KCNQ5: variants seen among roughly 807,000 people sequenced by gnomAD.
KCNQ5 encodes the protein potassium voltage-gated channel subfamily Q member 5.
A neutral mutation model predicts 98.2 loss-of-function variants in KCNQ5; 30 were observed. The ratio of observed to expected loss-of-function variants is 0.31; its 90% CI spans 0.23 to 0.41. KCNQ5 has a LOEUF of 0.41. Among genes scored for constraint, KCNQ5 ranks in the 10% least tolerant of loss-of-function variants. KCNQ5 has a pLI of 1.00. For synonymous variants in KCNQ5, 458 were observed against 449.4 expected (o/e 1.02, Z -0.24); for missense variants, 835 against 1,182.5 (o/e 0.71, Z 4.31).
chr6:72,681,613 C>A (rs1337008818), intron 1 of KCNQ5, among the ~76,000 whole-genome samples: 1 of 152,072 alleles, frequency 6.6e-6, no homozygotes, highest in Admixed American at 6.6e-5. Context: ...CTTATGTGGC[C>A]CAAAAGATGC....
intron 2 of KCNQ5, among the ~76,000 whole-genome samples, chr6:73,031,808 G>T (rs543150644): frequency 2.0e-5 from 3 of 152,326 alleles, no homozygotes; most frequent in Admixed American, 2.0e-4. Context: ...TTGCAGAGAA[G>T]TTAGCTATAT....
chr6:72,827,982 G>C lies in KCNQ5; in HGVS notation c.399-175926G>C, dbSNP rs1239204238. On this transcript the variant is annotated intron_variant, in intron 1 of 13. Transcript: ENST00000370398. The stretch of plus-strand genomic sequence containing the variant: ...TTTTCCCAGCAGCATTTATTGACAA[G>C]ACTGTCCTTTCTCAAATGAGTGTTC... Among the ~76,000 whole-genome samples, 5 of 152,076 alleles carry C rather than the reference G, an allele frequency of 3.3e-5. No individual in the cohort carries two copies. In the East Asian group the frequency reaches 9.6e-4, roughly 29 times the overall value.
At chr6:73,133,696 AT>A in intron 10 of KCNQ5, 55 bp downstream of exon 10, 1 of 1,427,602 alleles carries the variant, frequency 7.0e-7, no homozygotes, top group Non-Finnish European at 9.8e-7. Flanking sequence ...AGTGAGTGAG[AT>A]TATGAAGTAA....
intron 1 of KCNQ5, among the ~76,000 whole-genome samples, chr6:72,893,047 A>T (rs1275014902): frequency 6.6e-6 from 1 of 152,140 alleles, no homozygotes; most frequent in Non-Finnish European, 1.5e-5. Flanking sequence ...ATTGTGTAAA[A>T]TTTTTCCATG....
At position 73,146,540 on chromosome 6, in the gene KCNQ5, T is replaced by C. The variant is rs146510659; in HGVS notation, c.1468+12899T>C. On this transcript the variant is annotated intron_variant, in intron 10 of 13. Coordinates refer to ENST00000370398, the MANE Select transcript of KCNQ5 (RefSeq NM_019842.4). The stretch of plus-strand genomic sequence containing the variant: ...CTTGGGAGGCTGAGAAATGGGAGGA[T>C]CTTTTGAGCCCAGGAGGTTGAGGCT... Among the ~76,000 whole-genome samples, 216 of 147,592 alleles carry C rather than the reference T, an allele frequency of 1.5e-3. 1 individual carries two copies. Among genetic ancestry groups the C allele is most frequent in the Middle Eastern group, 3.5e-3 (1 of 282 alleles).
intron 1 of KCNQ5, among the ~76,000 whole-genome samples, chr6:72,739,650 C>T (rs1418695878): frequency 6.6e-6 from 1 of 152,106 alleles, no homozygotes; most frequent in Non-Finnish European, 1.5e-5. Context: ...ATCACAGTCA[C>T]CTAAATAATC....
At chr6:72,670,274 C>T (rs6935174) in intron 1 of KCNQ5, among the ~76,000 whole-genome samples, 20,540 of 152,146 alleles carry the variant, frequency 0.14, 1,471 homozygotes, top group South Asian at 0.2. Flanking sequence ...TGTATGTATT[C>T]ACTAAGAAGA....
intron 1 of KCNQ5, among the ~76,000 whole-genome samples, chr6:72,695,679 AATAT>A (rs200051672): frequency 2.0e-5 from 3 of 152,116 alleles, no homozygotes; most frequent in African/African-American, 7.2e-5. Flanking sequence ...ATTTTATATA[AATAT>A]ATATGTGCAA....
intron 3 of KCNQ5, among the ~76,000 whole-genome samples, chr6:73,075,842 G>A (rs1056406646): frequency 5.9e-5 from 9 of 152,156 alleles, no homozygotes; most frequent in Admixed American, 3.3e-4. Context: ...TCAGGAGTTC[G>A]AGACCAGCCT....
At chr6:72,959,812 A>G (rs573060540) in intron 1 of KCNQ5, among the ~76,000 whole-genome samples, 1 of 152,344 alleles carries the variant, frequency 6.6e-6, no homozygotes, top group East Asian at 1.9e-4. Context: ...GAGATTCACG[A>G]CACAATTCAA....
At chr6:73,119,567 C>T (rs912594567) in intron 7 of KCNQ5, among the ~76,000 whole-genome samples, 3 of 152,148 alleles carry the variant, frequency 2.0e-5, no homozygotes, top group Admixed American at 6.5e-5. Context: ...AGTACATTTT[C>T]CCCATCCTGT....
At chr6:73,185,099 G>T (rs540071882) in intron 11 of KCNQ5, among the ~76,000 whole-genome samples, 23 of 152,330 alleles carry the variant, frequency 1.5e-4, no homozygotes, top group Admixed American at 1.4e-3. Flanking sequence ...AATAATTACA[G>T]TGTGGTGTGT....
rs926389597 is a variant in KCNQ5, at chr6:72,925,776, G to A, written c.399-78132G>A. On this transcript the variant is annotated intron_variant, in intron 1 of 13. Coordinates refer to ENST00000370398, the MANE Select transcript of KCNQ5 (RefSeq NM_019842.4). ...AAAGAACAACTTGTGTGAGGGAGGAGCTTGCTTAGTAGTTCTAGGAATCTG... is the reference window on the plus strand; with the variant it reads ...AAAGAACAACTTGTGTGAGGGAGGAACTTGCTTAGTAGTTCTAGGAATCTG... 7.2e-5 allele frequency among the ~76,000 whole-genome samples: 11 copies of A among 152,188 alleles called. No individual in the cohort carries two copies. In the South Asian group the frequency reaches 8.3e-4, roughly 11 times the overall value.
intron 1 of KCNQ5, among the ~76,000 whole-genome samples, chr6:72,978,670 A>G (rs772369084): frequency 5.3e-5 from 8 of 152,158 alleles, no homozygotes; most frequent in Non-Finnish European, 1.0e-4. Flanking sequence ...GAAACACAGA[A>G]GTTAGGAACA....
At chr6:72,829,300 TA>T (rs750805270) in intron 1 of KCNQ5, among the ~76,000 whole-genome samples, 1 of 152,200 alleles carries the variant, frequency 6.6e-6, no homozygotes, top group Non-Finnish European at 1.5e-5. Flanking sequence ...AATTTATTTT[TA>T]AAGTGGAATT....
chr6:72,872,634 G>T (rs1420583773), intron 1 of KCNQ5, among the ~76,000 whole-genome samples: 3 of 152,002 alleles, frequency 2.0e-5, no homozygotes, highest in Non-Finnish European at 4.4e-5. Flanking sequence ...CACACAACTG[G>T]TAATTCTTAG....
chr6:73,155,108 A>G (rs996927095), intron 10 of KCNQ5, among the ~76,000 whole-genome samples: 1 of 152,202 alleles, frequency 6.6e-6, no homozygotes, highest in African/African-American at 2.4e-5. Context: ...TAGACTCTTG[A>G]AAGGCTTGTC....
intron 1 of KCNQ5, among the ~76,000 whole-genome samples, chr6:72,881,355 A>T (rs1286880766): frequency 6.6e-6 from 1 of 152,156 alleles, no homozygotes; most frequent in East Asian, 1.9e-4. Context: ...ATGGATTTCA[A>T]TTTGGCCATA....
At chr6:73,130,039 C>T (rs1776161637) in intron 9 of KCNQ5, among the ~76,000 whole-genome samples, 1 of 152,220 alleles carries the variant, frequency 6.6e-6, no homozygotes, top group Non-Finnish European at 1.5e-5. Context: ...ATACTCTCCA[C>T]CGCTGGGACA....
Sources: allele counts gnomAD v4.1 joint callset (sites outside exome capture counted in the v4.1 genomes callset), GRCh38; gene constraint gnomAD v4.1.1; transcripts MANE v1.5; gene names NCBI Gene and HGNC (gene_info 2026-07-23, HGNC 2026-07-21).